TARBP1: variants seen among roughly 807,000 people sequenced by gnomAD.
The protein encoded by TARBP1 is tRNA (guanosine(18)-2'-O)-methyltransferase TARBP1.
Under a neutral mutation model 178.6 loss-of-function variants are expected in TARBP1, and 144 were observed. That is an observed-to-expected ratio of 0.81 (90% CI 0.70 to 0.93). The LOEUF is 0.93. Ranked by LOEUF, TARBP1 falls within the 40% of genes least tolerant of loss-of-function variation. TARBP1 has a pLI of 0.00. For synonymous variants in TARBP1, 787 were observed against 781.0 expected (o/e 1.01, Z -0.13); for missense variants, 2,067 against 2,011.7 (o/e 1.03, Z -0.53).
intron 9 of TARBP1, among the ~76,000 whole-genome samples, chr1:234,452,502 A>G (rs755234157): frequency 6.6e-6 from 1 of 152,250 alleles, no homozygotes; most frequent in Non-Finnish European, 1.5e-5. Flanking sequence ...GGAATTTGGA[A>G]TTACAACAAT....
intron 6 of TARBP1, among the ~76,000 whole-genome samples, chr1:234,461,499 G>T (rs987109307): frequency 2.6e-5 from 4 of 152,070 alleles, no homozygotes; most frequent in African/African-American, 9.6e-5. Flanking sequence ...GTAGAGACGG[G>T]GTTTGGCCAT....
chr1:234,425,536 A>T, intron 20 of TARBP1, 137 bp downstream of exon 20: 2 of 977,022 alleles, frequency 2.0e-6, no homozygotes, highest in Admixed American at 2.8e-5. Context: ...TCAAGACTGA[A>T]TTAAAAATAC....
chr1:234,416,479 T>G (rs763087281), intron 22 of TARBP1, among the ~76,000 whole-genome samples: 2 of 152,146 alleles, frequency 1.3e-5, no homozygotes, highest in Non-Finnish European at 2.9e-5. Context: ...GTATTTTTAG[T>G]AGAGACGGGG....
intron 17 of TARBP1, among the ~76,000 whole-genome samples, chr1:234,428,835 C>G (rs147955073): frequency 2.5e-4 from 38 of 152,300 alleles, no homozygotes; most frequent in African/African-American, 8.4e-4. Flanking sequence ...CATGAGCCAC[C>G]CCGCCTGGCC....
Position 234,393,670 on chromosome 1 carries a change from T to C in TARBP1, c.4411A>G (p.Ile1471Val). 2 of 1,612,518 alleles carry C rather than the reference T, an allele frequency of 1.2e-6. No homozygotes were observed. The highest frequency in any genetic ancestry group is 1.7e-6 in the Non-Finnish European group (2 of 1,178,906). The change falls in exon 27 of 30, where the codon ATC becomes GTC. Residue 1471 changes from isoleucine (I) to valine (V), a missense_variant. Coordinates refer to ENST00000040877, the MANE Select transcript of TARBP1 (RefSeq NM_005646.4). ...ISRLIVVASL[I>V]DKPTNLGGLC... ...CCTCCTAAATTGGTCGGTTTGTCGA[T>C]GAGCGAGGCCACAACGATGAGTCTA...
intron 23 of TARBP1, among the ~76,000 whole-genome samples, 200 bp downstream of exon 23, chr1:234,410,245 C>A (rs1489051843): frequency 2.0e-5 from 3 of 152,122 alleles, no homozygotes; most frequent in Non-Finnish European, 2.9e-5. Flanking sequence ...CTCAAGCACA[C>A]CTCAGTGTGT....
rs984233993 is a variant in TARBP1, at chr1:234,430,132, T to C, written c.2564A>G (p.His855Arg). 1.4e-5 allele frequency: 23 copies of C among 1,614,144 alleles called. No homozygotes were observed. Among genetic ancestry groups the C allele is most frequent in the Non-Finnish European group, 1.8e-5 (21 of 1,180,016 alleles). The change falls in exon 15 of 30, where the codon CAC (histidine) becomes CGC (arginine). Residue 855 changes from histidine (H) to arginine (R), a missense_variant. His to Arg is a conservative substitution (Grantham distance 29). Transcript: ENST00000040877. Reference protein sequence around the residue: ...LQLNQTLQKPHAEEQSSYAHP... With the variant: ...LQLNQTLQKPRAEEQSSYAHP... ...AGCATAACTGCTCTGCTCCTCTGCG[T>C]GGGGCTTCTGCAGCGTCTGATTGAG...
intron 1 of TARBP1, among the ~76,000 whole-genome samples, chr1:234,473,796 C>T (rs1208496333): frequency 6.6e-6 from 1 of 152,062 alleles, no homozygotes; most frequent in Non-Finnish European, 1.5e-5. Context: ...GTTGGGGAAA[C>T]CTCTACACTA....
At chr1:234,462,434 T>C (rs1175654219) in intron 6 of TARBP1, among the ~76,000 whole-genome samples, 5 of 152,200 alleles carry the variant, frequency 3.3e-5, no homozygotes, top group Admixed American at 3.3e-4. Flanking sequence ...CTCACGCCTG[T>C]AATCCCAGCA....
At position 234,478,646 on chromosome 1, in the gene TARBP1, G is replaced by A. The variant is rs1669823060; in HGVS notation, c.458C>T (p.Pro153Leu). ...CTCCAGTAGCGGCCCGTCCTCGCGG[G>A]GCCGCAAACATGGCCCGACGGCTGC... Reference protein sequence around the residue: ...VLAAVGPCLRPREDGPLLERV... With the variant: ...VLAAVGPCLRLREDGPLLERV... Residue 153 changes from proline to leucine, a missense_variant, in exon 1 of 30, where the codon CCC becomes CTC. By Grantham distance (98) the Pro-to-Leu change is moderately conservative. Coordinates refer to ENST00000040877, the MANE Select transcript of TARBP1 (RefSeq NM_005646.4). The A allele has an allele frequency of 2.3e-6, 3 of 1,278,278 alleles. No individual in the cohort carries two copies. The highest frequency in any genetic ancestry group is 2.3e-5 in the South Asian group (1 of 43,394). 79.2% of individuals were successfully genotyped at this position (1,278,278 alleles called of 1,614,324 possible).
At chr1:234,392,693 T>G in intron 28 of TARBP1, 141 bp from the exon 29 acceptor site, 5 of 602,082 alleles carry the variant, frequency 8.3e-6, no homozygotes, top group Non-Finnish European at 1.3e-5. Context: ...AAAAGAACTC[T>G]CCCAACATGA....
rs1353036671 is a variant in TARBP1, at chr1:234,420,777, A to G, written c.3480T>C (p.Tyr1160=). The G allele has an allele frequency of 3.7e-6, 6 of 1,611,502 alleles. No individual in the cohort carries two copies. The African/African-American group carries it at 4.0e-5, about 11-fold the overall frequency. ...TCACTCTGTGCTGTAGAGAATTCAC[A>G]TAGTAGCGTTTTTTGGACTTGGACA... ...ELVSKSKKRY[Y]VNSLQHRVKN... is the part of the protein sequence containing the mutation. The change falls in exon 21 of 30, where the codon TAT becomes TAC. Residue 1160 remains tyrosine, a synonymous_variant. Transcript: ENST00000040877.
At position 234,411,365 on chromosome 1, in the gene TARBP1, C is replaced by A. The variant is rs150890892; in HGVS notation, c.3706-834G>T. ...TTGAGCATCCTCAGGTTTTGGCATCCGTAGGGGGCCTGGAATCAATCCCCC... is the reference window on the plus strand; with the variant it reads ...TTGAGCATCCTCAGGTTTTGGCATCAGTAGGGGGCCTGGAATCAATCCCCC... On this transcript the variant is annotated intron_variant, in intron 22 of 29. Transcript: ENST00000040877. Among the ~76,000 whole-genome samples the A allele has an allele frequency of 1.4e-3, 214 of 152,226 alleles. 1 individual carries two copies. Among genetic ancestry groups the A allele is most frequent in the African/African-American group, 5.0e-3 (207 of 41,536 alleles).
At chr1:234,428,120 C>T (rs1042981685) in intron 17 of TARBP1, among the ~76,000 whole-genome samples, 10 of 152,158 alleles carry the variant, frequency 6.6e-5, no homozygotes, top group African/African-American at 2.2e-4. Flanking sequence ...CAAAGACCAG[C>T]GTCTCTAACT....
At chr1:234,450,655 C>A in intron 9 of TARBP1, 89 bp from the exon 10 acceptor site, 3 of 1,373,966 alleles carry the variant, frequency 2.2e-6, no homozygotes, top group Non-Finnish European at 3.0e-6. Flanking sequence ...CTTTCTTTCA[C>A]GATAAACCAA....
Position 234,472,759 on chromosome 1 carries a change from A to G in TARBP1, c.984T>C (p.Phe328=). Residue 328 remains phenylalanine, a synonymous_variant, in exon 2 of 30, where the codon TTT becomes TTC. Transcript: ENST00000040877. ...SERKKDELLK[F]WENYILIMET... Reference sequence around the variant, plus strand: ...CCATAATTAAAATATAATTTTCCCAAAACTTTAGAAGCTCATCTTTTTTCC... The same window carrying G: ...CCATAATTAAAATATAATTTTCCCAGAACTTTAGAAGCTCATCTTTTTTCC... The G allele has an allele frequency of 6.2e-7, 1 of 1,604,304 alleles. No homozygotes were observed. Among genetic ancestry groups the G allele is most frequent in the South Asian group, 1.1e-5 (1 of 87,860 alleles).
Position 234,392,779 on chromosome 1 carries a change from T to C in TARBP1, c.4561-227A>G, listed in dbSNP as rs576480999. 824 of 264,202 alleles carry C rather than the reference T, an allele frequency of 3.1e-3. 5 individuals carry two copies. Among genetic ancestry groups the C allele is most frequent in the Non-Finnish European group, 4.7e-3 (659 of 141,192 alleles). The allele number at this position is 264,202 out of a possible 1,614,324, so 16.4% of individuals were successfully genotyped here. On this transcript the variant is annotated intron_variant, in intron 28 of 29. Coordinates refer to ENST00000040877, the MANE Select transcript of TARBP1 (RefSeq NM_005646.4). ...AGGCTGGAGTGCAGTGGCGCGATCT[T>C]GGCTCACTGCAAGCTCCGCCTCCCG...
At chr1:234,419,105 G>A (rs955045169) in intron 21 of TARBP1, among the ~76,000 whole-genome samples, 9 of 151,998 alleles carry the variant, frequency 5.9e-5, no homozygotes, top group South Asian at 2.1e-4. Context: ...CCTGGGGGGC[G>A]GAGCCTGCAG....
chr1:234,428,695 G>A (rs1030964198), intron 17 of TARBP1, among the ~76,000 whole-genome samples: 4 of 152,004 alleles, frequency 2.6e-5, no homozygotes, highest in South Asian at 2.1e-4. Flanking sequence ...ACAGGCGTGC[G>A]CCACCACACC....
Sources: gnomAD v4.1 joint callset for allele counts (sites outside exome capture counted in the v4.1 genomes callset) on GRCh38, gnomAD v4.1.1 for gene constraint, MANE v1.5 for transcripts, NCBI Gene and HGNC (gene_info 2026-07-23, HGNC 2026-07-21) for gene names.